Variants in NRK observed in about 807,000 individuals in gnomAD.
NRK encodes the protein Nik related kinase.
A neutral mutation model predicts 125.2 loss-of-function variants in NRK; 67 were observed. The observed-to-expected ratio is 0.54, with a 90% CI of 0.44 to 0.66. The LOEUF is 0.66. Ranked by LOEUF, NRK falls within the 30% of genes least tolerant of loss-of-function variation. NRK has a pLI of 0.00. For missense variants in NRK, 1,224 were observed against 1,192.9 expected (o/e 1.03, Z -0.38); for synonymous variants, 458 against 429.0 (o/e 1.07, Z -0.84).
chrX:105,867,663 T>C (rs2147689536), intron 2 of NRK, among the ~76,000 whole-genome samples: 1 of 111,701 alleles, frequency 9.0e-6, no homozygotes, highest in East Asian at 2.8e-4. Context: ...TACCAGATAT[T>C]TTCGTTATAT....
intron 5 of NRK, among the ~76,000 whole-genome samples, chrX:105,893,545 A>G (rs1330410554): frequency 1.8e-5 from 2 of 111,770 alleles, no homozygotes; most frequent in African/African-American, 6.5e-5. Flanking sequence ...CCTTTTAAGC[A>G]TATACAAACA....
At chrX:105,868,061 A>G (rs1416691340) in intron 2 of NRK, among the ~76,000 whole-genome samples, 2 of 111,275 alleles carry the variant, frequency 1.8e-5, no homozygotes, top group East Asian at 2.8e-4. Context: ...AAAAATAAAA[A>G]CTATAACTAA....
At position 105,840,736 on chromosome X, in the gene NRK, G is replaced by T. The variant is rs1166113794; in HGVS notation, c.123+9617G>T. Among the ~76,000 whole-genome samples, 4 of 110,841 alleles carry T rather than the reference G, an allele frequency of 3.6e-5. No individual in the cohort carries two copies. In the East Asian group the frequency reaches 1.1e-3, roughly 31 times the overall value. On this transcript the variant is annotated intron_variant, in intron 2 of 28. Coordinates refer to ENST00000243300, the MANE Select transcript of NRK (RefSeq NM_198465.4). ...TATTTTATAAACCACTTTATAGAGT[G>T]ATGAGGGTGGGTTGGGCAGTGTTAG... is the stretch of plus-strand genomic sequence containing the variant.
In NRK at chrX:105,822,559, G is replaced by C. The variant is rs2039034732; in HGVS notation, c.-287G>C. On this transcript the variant is annotated 5_prime_UTR_variant, in exon 1 of 29. Coordinates refer to ENST00000243300, the MANE Select transcript of NRK (RefSeq NM_198465.4). ...GGGGCAGACACAGCGCTCTCGACAC[G>C]GAGCACCCTTCTAGCTTCTTCGTCT... The C allele has an allele frequency of 2.8e-6, 1 of 360,834 alleles. No homozygotes were observed. The allele number at this position is 360,834 out of a possible 1,213,427, so 29.7% of individuals were successfully genotyped here.
At chrX:105,898,861 G>A (rs1051042837) in intron 8 of NRK, 147 bp downstream of exon 8, 104 of 430,330 alleles carry the variant, frequency 2.4e-4, no homozygotes, top group Middle Eastern at 6.0e-4. Context: ...CCTCTATTTC[G>A]GTAAGTGGTT....
chrX:105,876,876 C>A (rs2039822817), intron 2 of NRK, among the ~76,000 whole-genome samples: 1 of 111,486 alleles, frequency 9.0e-6, no homozygotes, highest in Non-Finnish European at 1.9e-5. Flanking sequence ...CACCACTGAA[C>A]AATTAGCTTA....
chrX:105,889,184 CA>C (rs1405775623), intron 5 of NRK, among the ~76,000 whole-genome samples: 1 of 112,595 alleles, frequency 8.9e-6, no homozygotes, highest in Non-Finnish European at 1.9e-5. Flanking sequence ...GGCCCAAACG[CA>C]GGGGCTACAA....
chrX:105,940,764 A>G (rs5962602), intron 23 of NRK, among the ~76,000 whole-genome samples: 35,162 of 110,405 alleles, frequency 0.32, 5,239 homozygotes, highest in African/African-American at 0.58. Flanking sequence ...CTGTACTCTC[A>G]GCCTTCTTTT....
upstream of NRK, among the ~76,000 whole-genome samples, chrX:105,822,321 G>A (rs888470878): frequency 9.2e-6 from 1 of 109,097 alleles, no homozygotes; most frequent in Non-Finnish European, 1.9e-5. Flanking sequence ...CGTGGGAGGG[G>A]GCAGGAGGGC....
Position 105,915,751 on chromosome X carries a change from G to A in NRK, c.2371G>A (p.Val791Met). 2 of 1,154,691 alleles carry A rather than the reference G, an allele frequency of 1.7e-6. No homozygotes were observed. The highest frequency in any genetic ancestry group is 2.4e-6 in the Non-Finnish European group (2 of 846,367). Residue 791 changes from valine (V) to methionine (M), a missense_variant, in exon 15 of 29, where the codon GTG (valine) becomes ATG (methionine). Val to Met is a conservative substitution (Grantham distance 21). Transcript: ENST00000243300. Reference sequence around the variant, plus strand: ...TAAGGTTCAAGAGAGATCTCCTTCTGTGCCTAACAACCAGGATCATGCACA... The same window carrying A: ...TAAGGTTCAAGAGAGATCTCCTTCTATGCCTAACAACCAGGATCATGCACA... ...KIEVQERSPS[V>M]PNNQDHAHHV... is the part of the protein sequence containing the mutation.
rs1325856350 is a variant in NRK at position 105,957,922 on chromosome X, A to T, written c.*2322A>T. The T allele has an allele frequency of 8.9e-6, 1 of 112,259 alleles. No homozygotes were observed. The highest frequency in any genetic ancestry group is 1.9e-5 in the Non-Finnish European group (1 of 53,311). 9.3% of individuals were successfully genotyped at this position (112,259 alleles called of 1,213,427 possible). A position where few individuals can be genotyped will look rare whatever the true frequency, so the allele number is the denominator to read the frequency against. On this transcript the variant is annotated 3_prime_UTR_variant, in exon 29 of 29. Coordinates refer to ENST00000243300, the MANE Select transcript of NRK (RefSeq NM_198465.4). ...ATGGTCAGTTTATTTTGTAAGAGAC[A>T]GAAGAAATTATATCTATACATTACC...
Position 105,943,952 on chromosome X carries a change from G to A in NRK, c.3970G>A (p.Glu1324Lys). The A allele has an allele frequency of 8.8e-7, 1 of 1,132,730 alleles. No homozygotes were observed. 93.3% of individuals were successfully genotyped at this position (1,132,730 alleles called of 1,213,427 possible). A position where few individuals can be genotyped will look rare whatever the true frequency, so the allele number is the denominator to read the frequency against. Residue 1324 changes from glutamate to lysine, a missense_variant, in exon 24 of 29, where the codon GAA becomes AAA. Glu to Lys is a moderately conservative substitution (Grantham distance 56). Transcript: ENST00000243300. ...TTTTATCATTATAGTCCAACATGAAGAAACAACATATATTGCAATTGCTTT... is the reference window on the plus strand; with the variant it reads ...TTTTATCATTATAGTCCAACATGAAAAAACAACATATATTGCAATTGCTTT... ...CEHFSVLQHE[E>K]TTYIAIALKS...
intron 2 of NRK, among the ~76,000 whole-genome samples, chrX:105,843,185 C>T: frequency 8.9e-6 from 1 of 112,025 alleles, no homozygotes; most frequent in Admixed American, 9.5e-5. Flanking sequence ...TGTATATTTT[C>T]TGTTGCCCAC....
chrX:105,909,359 C>T lies in NRK; in HGVS notation c.1718C>T (p.Thr573Ile). The part of the protein sequence containing the change: ...EQAAEPAQAE[T>I]EAEEPESLRV... ...GCTGCCGAGCCTGCACAGGCAGAGA[C>T]TGAGGCAGAGGAACCTGAGTCATTA... The change falls in exon 13 of 29, where the codon ACT becomes ATT. Residue 573 changes from threonine to isoleucine, a missense_variant. By Grantham distance (89) the Thr-to-Ile change is moderately conservative. Transcript: ENST00000243300. 1 of 1,206,907 alleles carries T rather than the reference C, an allele frequency of 8.3e-7. No individual in the cohort carries two copies. Among genetic ancestry groups the T allele is most frequent in the Non-Finnish European group, 1.1e-6 (1 of 892,456 alleles).
rs766241820 is a variant in NRK at position 105,953,030 on chromosome X, G to C, written c.4514-4G>C. 1 of 1,127,628 alleles carries C rather than the reference G, an allele frequency of 8.9e-7. No individual in the cohort carries two copies. Among genetic ancestry groups the C allele is most frequent in the East Asian group, 3.1e-5 (1 of 32,459 alleles). 92.9% of individuals were successfully genotyped at this position (1,127,628 alleles called of 1,213,427 possible). On this transcript the variant is annotated splice_polypyrimidine_tract_variant and splice_region_variant and intron_variant, in intron 27 of 28. Transcript: ENST00000243300. ...TTTCTGATTTTTTTTCATTTGTATT[G>C]TAGCTTTTGAATGTACACAGCGAAC...
intron 2 of NRK, among the ~76,000 whole-genome samples, chrX:105,843,040 A>G (rs1442511212): frequency 9.0e-6 from 1 of 111,362 alleles, no homozygotes; most frequent in East Asian, 2.8e-4. Context: ...TAGTTCATGA[A>G]TTTCTTTAAG....
At chrX:105,836,989 A>T (rs1023900044) in intron 2 of NRK, among the ~76,000 whole-genome samples, 1 of 112,336 alleles carries the variant, frequency 8.9e-6, no homozygotes, top group African/African-American at 3.2e-5. Context: ...ACAATAGTTT[A>T]AAAAGATGGA....
Position 105,945,862 on chromosome X carries a change from T to TC in NRK, c.4060-7dup. On this transcript the variant is annotated splice_polypyrimidine_tract_variant and intron_variant, in intron 24 of 28. Transcript: ENST00000243300. ...GGTTAACATGTCTGGCCCTTTTCAT[T>TC]CCCTACCAAGTATGCATTGATCAAT... The TC allele has an allele frequency of 8.3e-7, 1 of 1,204,179 alleles. No homozygotes were observed. Among genetic ancestry groups the TC allele is most frequent in the South Asian group, 1.8e-5 (1 of 56,572 alleles).
At chrX:105,865,955 G>GGT (rs2039662940) in intron 2 of NRK, among the ~76,000 whole-genome samples, 2 of 107,392 alleles carry the variant, frequency 1.9e-5, no homozygotes, top group African/African-American at 6.9e-5. Flanking sequence ...GAGCACTCGA[G>GGT]GTGGCATAGC....
Sources: gnomAD v4.1 joint callset for allele counts (sites outside exome capture counted in the v4.1 genomes callset) on GRCh38, gnomAD v4.1.1 for gene constraint, MANE v1.5 for transcripts, NCBI Gene and HGNC (gene_info 2026-07-23, HGNC 2026-07-21) for gene names.